Variants in CRYZL1 observed in about 807,000 individuals in gnomAD.
The protein encoded by CRYZL1 is crystallin zeta like 1.
In CRYZL1, 34 loss-of-function variants were observed where a neutral mutation model predicts 50.6. The ratio of observed to expected loss-of-function variants is 0.67; its 90% CI spans 0.51 to 0.89. CRYZL1 has a LOEUF of 0.89. Ranked by LOEUF, CRYZL1 falls within the 40% of genes least tolerant of loss-of-function variation. The pLI is 0.00. For missense variants in CRYZL1, 354 were observed against 402.3 expected, an observed-to-expected ratio of 0.88 and a Z score of 1.03; for synonymous variants, 125 against 134.3, an observed-to-expected ratio of 0.93 and a Z score of 0.48.
Position 33,608,284 on chromosome 21 carries a change from G to A in CRYZL1, c.332-4747C>T, listed in dbSNP as rs8130229. On this transcript the variant is annotated intron_variant, in intron 6 of 12. Coordinates refer to ENST00000381554, the MANE Select transcript of CRYZL1 (RefSeq NM_145858.3). ...GGCCTGGCCAGCATGGAGAAACCCC[G>A]TCTCTACTAAAAATACAAAAAGTAG... Among the ~76,000 whole-genome samples the A allele has an allele frequency of 3.5e-3, 540 of 152,178 alleles. 4 individuals are homozygous for A. Among genetic ancestry groups the A allele is most frequent in the African/African-American group, 0.012 (506 of 41,528 alleles).
At chr21:33,609,899 T>C (rs2086852533) in intron 6 of CRYZL1, among the ~76,000 whole-genome samples, 1 of 151,068 alleles carries the variant, frequency 6.6e-6, no homozygotes, top group South Asian at 2.1e-4. Flanking sequence ...AGAGAGGGGG[T>C]TTCACTGTGT....
intron 1 of CRYZL1, among the ~76,000 whole-genome samples, chr21:33,638,144 C>T (rs539673266): frequency 6.6e-6 from 1 of 151,358 alleles, no homozygotes; most frequent in South Asian, 2.1e-4. Flanking sequence ...AAGCAACTAG[C>T]TGGAGGTTTG....
At position 33,600,933 on chromosome 21, in the gene CRYZL1, G is replaced by GTTTTTTTTTTTTTTTTTTTTTTT. The variant is rs764185960; in HGVS notation, c.577+1300_577+1301insAAAAAAAAAAAAAAAAAAAAAAA. Among the ~76,000 whole-genome samples, 4 of 59,520 alleles carry GTTTTTTTTTTTTTTTTTTTTTTT rather than the reference G, an allele frequency of 6.7e-5. 2 individuals carry two copies. The highest frequency in any genetic ancestry group is 1.3e-4 in the African/African-American group (2 of 15,830). The allele number at this position is 59,520 out of a possible 152,430, so 39.0% of individuals were successfully genotyped here. ...TGAGCCACTGTGCCCGGTCCATAAA[G>GTTTTTTTTTTTTTTTTTTTTTTT]TTTTTTTTTTTTTTTTTTTTGGGGG... On this transcript the variant is annotated intron_variant, in intron 8 of 12. Transcript: ENST00000381554.
At chr21:33,626,488 G>C (rs534229690) in intron 2 of CRYZL1, among the ~76,000 whole-genome samples, 22 of 151,988 alleles carry the variant, frequency 1.4e-4, no homozygotes, top group South Asian at 6.2e-4. Context: ...CTTAAGGTCA[G>C]GAGTTTGAGA....
At position 33,640,035 on chromosome 21, in the gene CRYZL1, A is replaced by G. The variant is rs2087259866; in HGVS notation, c.-7+1646T>C. The G allele has an allele frequency of 5.3e-6, 5 of 938,252 alleles. No individual in the cohort carries two copies. In the East Asian group the frequency reaches 1.6e-4, roughly 30 times the overall value. 58.1% of individuals were successfully genotyped at this position (938,252 alleles called of 1,614,324 possible). A position where few individuals can be genotyped will look rare whatever the true frequency, so the allele number is the denominator to read the frequency against. ...GACACGGGGTTTCACCATGTTGGCCAGGCTGGTCTCGAACTCCTGGCCTCA... is the reference window on the plus strand; with the variant it reads ...GACACGGGGTTTCACCATGTTGGCCGGGCTGGTCTCGAACTCCTGGCCTCA... On this transcript the variant is annotated intron_variant, in intron 1 of 12. Transcript: ENST00000381554.
chr21:33,591,489 C>G (rs1265399796), intron 11 of CRYZL1: 1 of 475,092 alleles, frequency 2.1e-6, no homozygotes, highest in African/African-American at 1.9e-5. Context: ...CCACTATTAT[C>G]TCAATGGATG....
At chr21:33,593,328 A>G (rs1486136430) in intron 11 of CRYZL1, among the ~76,000 whole-genome samples, 3 of 151,974 alleles carry the variant, frequency 2.0e-5, no homozygotes, top group Non-Finnish European at 2.9e-5. Flanking sequence ...GGATGGTCTC[A>G]ATCTCCTGAC....
At chr21:33,617,366 A>T (rs921908971) in intron 4 of CRYZL1, among the ~76,000 whole-genome samples, 8 of 152,068 alleles carry the variant, frequency 5.3e-5, no homozygotes, top group African/African-American at 1.7e-4. Flanking sequence ...AATCTATTCT[A>T]TAGCTTCTAT....
At chr21:33,595,909 G>C in intron 10 of CRYZL1, 73 bp from the exon 11 acceptor site, 1 of 970,264 alleles carries the variant, frequency 1.0e-6, no homozygotes. Flanking sequence ...TCTCGAGTCA[G>C]AAAAACTTCT....
chr21:33,592,348 G>A (rs1368730476), intron 11 of CRYZL1, among the ~76,000 whole-genome samples: 1 of 151,774 alleles, frequency 6.6e-6, no homozygotes, highest in Non-Finnish European at 1.5e-5. Context: ...TGTTGCCCGG[G>A]CTGGTCTCAA....
intron 6 of CRYZL1, among the ~76,000 whole-genome samples, chr21:33,604,274 T>A (rs1359971706): frequency 6.9e-6 from 1 of 144,678 alleles, no homozygotes; most frequent in Non-Finnish European, 1.5e-5. Flanking sequence ...GAGAATGGTG[T>A]GAACCCGGGA....
At chr21:33,632,204 T>C (rs919230730) in intron 1 of CRYZL1, among the ~76,000 whole-genome samples, 1 of 147,646 alleles carries the variant, frequency 6.8e-6, no homozygotes, top group Non-Finnish European at 1.5e-5. Flanking sequence ...TGGCGGTGCG[T>C]GCCTGTAATC....
rs1420896331 is a variant in CRYZL1 at position 33,589,643 on chromosome 21, C to T, written c.*179G>A. 1 of 566,646 alleles carries T rather than the reference C, an allele frequency of 1.8e-6. No individual in the cohort carries two copies. The highest frequency in any genetic ancestry group is 3.2e-6 in the Non-Finnish European group (1 of 312,688). 35.1% of individuals were successfully genotyped at this position (566,646 alleles called of 1,614,324 possible). The stretch of plus-strand genomic sequence containing the variant: ...TATAGAATTATCTTGATCATTTGCA[C>T]AAGAATTTTTCAAACACTTTTCAAA... On this transcript the variant is annotated 3_prime_UTR_variant, in exon 13 of 13. Transcript: ENST00000381554.
At chr21:33,622,900 A>T (rs1260235973) in intron 3 of CRYZL1, among the ~76,000 whole-genome samples, 1 of 151,336 alleles carries the variant, frequency 6.6e-6, no homozygotes, top group Non-Finnish European at 1.5e-5. Flanking sequence ...GGAACATAAT[A>T]CTTTTCTTAA....
At chr21:33,598,981 A>G (rs2086723277) in intron 9 of CRYZL1, among the ~76,000 whole-genome samples, 169 bp downstream of exon 9, 2 of 152,216 alleles carry the variant, frequency 1.3e-5, no homozygotes, top group Admixed American at 6.5e-5. Context: ...CAATGAGAAT[A>G]AAGTGGAAGT....
chr21:33,602,938 C>T (rs1289802924), intron 7 of CRYZL1, among the ~76,000 whole-genome samples: 1 of 152,160 alleles, frequency 6.6e-6, no homozygotes, highest in Non-Finnish European at 1.5e-5. Flanking sequence ...TTTTAGATGA[C>T]AATATTTTAT....
chr21:33,605,527 A>ATTATTTTTTTT (rs1555904645), intron 6 of CRYZL1, among the ~76,000 whole-genome samples: 1 of 14,840 alleles, frequency 6.7e-5, no homozygotes, highest in Non-Finnish European at 1.1e-4. Flanking sequence ...CAGTACAAGA[A>ATTATTTTTTTT]TTCTTTTTTT....
intron 6 of CRYZL1, 98 bp downstream of exon 6, chr21:33,613,440 A>G (rs1053125577): frequency 5.4e-5 from 44 of 817,874 alleles, no homozygotes; most frequent in Non-Finnish European, 8.7e-5. Context: ...TATTAAGTAC[A>G]ACACTTATGG....
At chr21:33,613,917 A>G (rs1301723845) in intron 5 of CRYZL1, among the ~76,000 whole-genome samples, 1 of 152,208 alleles carries the variant, frequency 6.6e-6, no homozygotes, top group African/African-American at 2.4e-5. Flanking sequence ...TCACGCCTGT[A>G]ATCCCAGCAC....
Sources: allele counts gnomAD v4.1 joint callset (sites outside exome capture counted in the v4.1 genomes callset), GRCh38; gene constraint gnomAD v4.1.1; transcripts MANE v1.5; gene names NCBI Gene and HGNC (gene_info 2026-07-23, HGNC 2026-07-21).